Variants in C14orf132 observed in about 807,000 individuals in gnomAD.
C14orf132 encodes uncharacterized protein C14orf132.
C14orf132 carries 6 observed loss-of-function variants against 5.8 expected under a neutral mutation model. That is an observed-to-expected ratio of 1.03 (90% CI 0.57 to 2.04). C14orf132 has a LOEUF of 2.04. C14orf132 is among the 30% of genes most tolerant of loss of function. The pLI, the probability that C14orf132 is intolerant of heterozygous loss-of-function variation, is 0.00. For synonymous variants in C14orf132, 51 were observed against 49.8 expected, an observed-to-expected ratio of 1.02 and a Z score of -0.10; for missense variants, 125 against 115.8, an observed-to-expected ratio of 1.08 and a Z score of -0.37.
At chr14:96,049,564 A>C (rs1207556927) in intron 1 of C14orf132, among the ~76,000 whole-genome samples, 8 of 135,296 alleles carry the variant, frequency 5.9e-5, no homozygotes, top group Non-Finnish European at 1.1e-4. Context: ...ATATATACGT[A>C]TATATACATA....
rs183659720 is a variant in C14orf132 at position 96,050,409 on chromosome 14, C to T, written c.27+10882C>T. Among the ~76,000 whole-genome samples the T allele has an allele frequency of 9.4e-4, 143 of 152,262 alleles. 1 individual carries two copies. The highest frequency in any genetic ancestry group is 6.8e-3 in the Middle Eastern group (2 of 294). ...AGTGTCTCATAAATGATGAGATTTT[C>T]AAGATGGGTGATGGAAACAGGCACT... On this transcript the variant is annotated intron_variant, in intron 1 of 1. Coordinates refer to ENST00000555004, the MANE Select transcript of C14orf132 (RefSeq NM_001252507.3).
At chr14:96,075,266 C>T (rs1179068223) in intron 1 of C14orf132, among the ~76,000 whole-genome samples, 1 of 152,136 alleles carries the variant, frequency 6.6e-6, no homozygotes, top group Non-Finnish European at 1.5e-5. Flanking sequence ...GTTCTATGAC[C>T]TTTCAAAATT....
chr14:96,053,337 G>T (rs1483468097), intron 1 of C14orf132, among the ~76,000 whole-genome samples: 5 of 152,198 alleles, frequency 3.3e-5, no homozygotes, highest in South Asian at 4.1e-4. Flanking sequence ...CTCGCTAAGG[G>T]CACCTTGTCC....
chr14:96,063,921 T>C (rs1887439846), intron 1 of C14orf132, among the ~76,000 whole-genome samples: 1 of 151,880 alleles, frequency 6.6e-6, no homozygotes. Context: ...AGGACATGAA[T>C]AGACAATTTT....
Position 96,090,411 on chromosome 14 carries a change from GA to G in C14orf132, c.*3687del, listed in dbSNP as rs56392211. 0.063 allele frequency: 15,082 copies of G among 237,742 alleles called. 304 individuals are homozygous for G. The highest frequency in any genetic ancestry group is 0.08 in the Middle Eastern group (52 of 646). 14.7% of individuals were successfully genotyped at this position (237,742 alleles called of 1,614,324 possible). On this transcript the variant is annotated 3_prime_UTR_variant, in exon 2 of 2. Coordinates refer to ENST00000555004, the MANE Select transcript of C14orf132 (RefSeq NM_001252507.3). Reference sequence around the variant, plus strand: ...GTCTCAAAAAAAAAAAAAAAGAAAAGAAAAAAAAAAAGAGCAACTTACTGCT... The same window carrying G: ...GTCTCAAAAAAAAAAAAAAAGAAAAGAAAAAAAAAAGAGCAACTTACTGCT...
At chr14:96,065,627 G>A (rs1204425495) in intron 1 of C14orf132, among the ~76,000 whole-genome samples, 1 of 142,858 alleles carries the variant, frequency 7.0e-6, no homozygotes, top group East Asian at 2.1e-4. Context: ...TTTTTTTCTT[G>A]GTACCTCTGG....
At chr14:96,054,875 C>T (rs968908979) in intron 1 of C14orf132, among the ~76,000 whole-genome samples, 1 of 152,110 alleles carries the variant, frequency 6.6e-6, no homozygotes, top group Non-Finnish European at 1.5e-5. Context: ...CTAATGTGGC[C>T]AGTGAGGGCC....
In C14orf132 at chr14:96,087,097, G is replaced by A. The variant is rs1161340118; in HGVS notation, c.*362G>A. The A allele has an allele frequency of 2.7e-5, 8 of 293,662 alleles. No individual in the cohort carries two copies. The East Asian group carries it at 5.2e-4, about 19-fold the overall frequency. 18.2% of individuals were successfully genotyped at this position (293,662 alleles called of 1,614,324 possible). ...GCTTGCTGGTGGTAAATAATCACTC[G>A]TGTGTCTTGTTTTTATGCAAACTTA... On this transcript the variant is annotated 3_prime_UTR_variant, in exon 2 of 2. Transcript: ENST00000555004.
chr14:96,082,497 T>C (rs1256640554), intron 1 of C14orf132, among the ~76,000 whole-genome samples: 1 of 151,592 alleles, frequency 6.6e-6, no homozygotes, highest in Non-Finnish European at 1.5e-5. Flanking sequence ...TAGAACCTAT[T>C]TTACAAAGAA....
intron 1 of C14orf132, among the ~76,000 whole-genome samples, chr14:96,082,197 C>T (rs1033978887): frequency 4.6e-5 from 7 of 152,168 alleles, no homozygotes; most frequent in Non-Finnish European, 7.3e-5. Context: ...TGCCCACTGG[C>T]GTGAGAAAAC....
At chr14:96,085,912 G>A (rs74350749) in intron 1 of C14orf132, among the ~76,000 whole-genome samples, 1,918 of 151,208 alleles carry the variant, frequency 0.013, 40 homozygotes, top group African/African-American at 0.044. Flanking sequence ...TTTGAAACAG[G>A]GATTAAAAAA....
chr14:96,043,419 G>C (rs879465132), intron 1 of C14orf132, among the ~76,000 whole-genome samples: 1 of 152,166 alleles, frequency 6.6e-6, no homozygotes, highest in Non-Finnish European at 1.5e-5. Flanking sequence ...TTCTTATGGC[G>C]TAACTCTCCT....
chr14:96,049,695 C>T, intron 1 of C14orf132, among the ~76,000 whole-genome samples: 1 of 136,166 alleles, frequency 7.3e-6, no homozygotes, highest in Non-Finnish European at 1.6e-5. Flanking sequence ...CTCTCCTCTT[C>T]TTTTGGGACT....
chr14:96,057,402 A>G (rs2139654695), intron 1 of C14orf132, among the ~76,000 whole-genome samples: 1 of 152,294 alleles, frequency 6.6e-6, no homozygotes, highest in African/African-American at 2.4e-5. Context: ...GAACTAGGAG[A>G]AATAAAATTC....
chr14:96,073,886 A>G (rs1713675910), intron 1 of C14orf132, among the ~76,000 whole-genome samples: 1 of 152,220 alleles, frequency 6.6e-6, no homozygotes, highest in Admixed American at 6.5e-5. Context: ...TGTCCTTTGC[A>G]GGGACATGGA....
At chr14:96,044,466 C>T (rs1037001243) in intron 1 of C14orf132, among the ~76,000 whole-genome samples, 1 of 152,246 alleles carries the variant, frequency 6.6e-6, no homozygotes, top group Non-Finnish European at 1.5e-5. Context: ...AGGCATGAGC[C>T]ATTGTACCCA....
Position 96,082,117 on chromosome 14 carries a change from C to T in C14orf132, c.28-4394C>T, listed in dbSNP as rs552992851. Reference sequence around the variant, plus strand: ...TTTCTAGGGTTTAAGGTTAGGCTCACGCCCCCAAATCTGCTCTGAGTCAAA... The same window carrying T: ...TTTCTAGGGTTTAAGGTTAGGCTCATGCCCCCAAATCTGCTCTGAGTCAAA... On this transcript the variant is annotated intron_variant, in intron 1 of 1. Transcript: ENST00000555004. Among the ~76,000 whole-genome samples the T allele has an allele frequency of 4.6e-5, 7 of 152,296 alleles. 1 individual carries two copies. In the South Asian group the frequency reaches 1.0e-3, roughly 23 times the overall value.
Position 96,039,550 on chromosome 14 carries a change from C to T in C14orf132, c.27+23C>T. 1 of 1,496,708 alleles carries T rather than the reference C, an allele frequency of 6.7e-7. No homozygotes were observed. Among genetic ancestry groups the T allele is most frequent in the Admixed American group, 2.1e-5 (1 of 47,762 alleles). The allele number at this position is 1,496,708 out of a possible 1,614,324, so 92.7% of individuals were successfully genotyped here. A position where few individuals can be genotyped will look rare whatever the true frequency, so the allele number is the denominator to read the frequency against. The stretch of plus-strand genomic sequence containing the variant: ...CAGGTAACGGGGCGTCCCCCCCACG[C>T]GCCCCGGGCCGCCAAGTTTGGGGAG... On this transcript the variant is annotated intron_variant, in intron 1 of 1. Transcript: ENST00000555004. The surrounding 1 kb of genome is among the most constrained non-coding windows in gnomAD (Gnocchi z 5.3).
At chr14:96,054,443 G>A (rs1043066717) in intron 1 of C14orf132, among the ~76,000 whole-genome samples, 1 of 152,186 alleles carries the variant, frequency 6.6e-6, no homozygotes, top group African/African-American at 2.4e-5. Flanking sequence ...CAGGAGGCTT[G>A]AGTTCCCGGC....
Sources: allele counts gnomAD v4.1 joint callset (sites outside exome capture counted in the v4.1 genomes callset), GRCh38; gene constraint gnomAD v4.1.1; non-coding constraint Gnocchi (gnomAD v3.1); transcripts MANE v1.5; gene names NCBI Gene and HGNC (gene_info 2026-07-23, HGNC 2026-07-21).